Variants in ZNF609 observed in about 807,000 individuals in gnomAD.
The protein encoded by ZNF609 is zinc finger protein 609.
A neutral mutation model predicts 109.5 loss-of-function variants in ZNF609; 11 were observed. The observed-to-expected ratio is 0.10, with a 90% CI of 0.06 to 0.17. ZNF609 has a LOEUF of 0.17. ZNF609 is among the 10% of genes least tolerant of loss of function. The pLI is 1.00. For synonymous variants in ZNF609, 646 were observed against 662.0 expected, an observed-to-expected ratio of 0.98 and a Z score of 0.37; for missense variants, 1,559 against 1,772.4, an observed-to-expected ratio of 0.88 and a Z score of 2.16.
intron 2 of ZNF609, among the ~76,000 whole-genome samples, chr15:64,563,881 C>T (rs960733395): frequency 3.3e-5 from 5 of 152,062 alleles, no homozygotes; most frequent in African/African-American, 4.8e-5. Context: ...TCGCCGTGCC[C>T]GGCCTATTTA....
At chr15:64,661,928 A>C (rs1896583079) in intron 3 of ZNF609, among the ~76,000 whole-genome samples, 1 of 152,138 alleles carries the variant, frequency 6.6e-6, no homozygotes, top group Non-Finnish European at 1.5e-5. Flanking sequence ...TTAACCTAAA[A>C]CATAGTTGTC....
chr15:64,679,175 C>T (rs1390521840), intron 6 of ZNF609, among the ~76,000 whole-genome samples: 2 of 152,142 alleles, frequency 1.3e-5, no homozygotes, highest in East Asian at 1.9e-4. Context: ...TGGGTTCAAA[C>T]GATTCTCCTG....
chr15:64,500,584 A>G (rs1893547712), intron 2 of ZNF609: 3 of 601,210 alleles, frequency 5.0e-6, no homozygotes, highest in East Asian at 2.7e-5. Context: ...GTGATAATGT[A>G]GATTGAGTAC....
In ZNF609 at chr15:64,678,403, C is replaced by T. The variant is rs748175986; in HGVS notation, c.3690C>T (p.Gly1230=). 4.3e-6 allele frequency: 7 copies of T among 1,613,650 alleles called. No individual in the cohort carries two copies. Among genetic ancestry groups the T allele is most frequent in the Non-Finnish European group, 5.9e-6 (7 of 1,179,732 alleles). Reference sequence around the variant, plus strand: ...AGTCCTACATCCCCTACATGCACGGCTATTCCTACAGTCAGTCCTACGACC... The same window carrying T: ...AGTCCTACATCCCCTACATGCACGGTTATTCCTACAGTCAGTCCTACGACC... The part of the protein sequence containing the change: ...QHQSYIPYMH[G]YSYSQSYDPN... The change falls in exon 6 of 10, where the codon GGC becomes GGT. Residue 1230 remains glycine, a synonymous_variant. Coordinates refer to ENST00000326648, the MANE Select transcript of ZNF609 (RefSeq NM_015042.2).
At chr15:64,680,903 T>C (rs376980397) in intron 8 of ZNF609, 41 bp downstream of exon 8, 4 of 1,598,296 alleles carry the variant, frequency 2.5e-6, no homozygotes, top group South Asian at 1.1e-5. Context: ...TTGTCTTGTT[T>C]TGTTTTGTTT....
At chr15:64,518,238 C>A (rs1893842614) in intron 2 of ZNF609, among the ~76,000 whole-genome samples, 1 of 152,168 alleles carries the variant, frequency 6.6e-6, no homozygotes, top group African/African-American at 2.4e-5. Context: ...TGATGGAGAT[C>A]TCTAACCTCT....
chr15:64,462,022 C>A (rs1425006975), intron 1 of ZNF609, among the ~76,000 whole-genome samples: 7 of 152,170 alleles, frequency 4.6e-5, no homozygotes, highest in Admixed American at 4.6e-4. Flanking sequence ...CAGAGATAAA[C>A]CGGTCCCTCT....
chr15:64,463,266 C>T (rs1350879382), intron 1 of ZNF609, among the ~76,000 whole-genome samples: 2 of 152,056 alleles, frequency 1.3e-5, no homozygotes, highest in African/African-American at 4.8e-5. Flanking sequence ...GGTGTAGTGG[C>T]ATACGCCTGT....
chr15:64,464,560 T>C (rs1230606320), intron 1 of ZNF609, among the ~76,000 whole-genome samples: 1 of 152,126 alleles, frequency 6.6e-6, no homozygotes, highest in East Asian at 1.9e-4. Context: ...AATTCTCTCT[T>C]CTACTTGATT....
chr15:64,675,248 C>A lies in ZNF609; in HGVS notation c.2394C>A (p.Phe798Leu). Residue 798 changes from phenylalanine (F) to leucine (L), a missense_variant, in exon 5 of 10, where the codon TTC (phenylalanine) becomes TTA (leucine). Phe to Leu is a conservative substitution (Grantham distance 22). Around this residue, in one of 4 missense-constraint regions of ZNF609, gnomAD observed 1,204 missense variants for 1,314.1 expected, o/e 0.92. Transcript: ENST00000326648. ...CTGAAGCCGACAAGATCTACAGTTTCACGGACAATGCCCCCAGCCCTTCCA... is the reference window on the plus strand; with the variant it reads ...CTGAAGCCGACAAGATCTACAGTTTAACGGACAATGCCCCCAGCCCTTCCA... ...IKAEADKIYS[F>L]TDNAPSPSIG... is the part of the protein sequence containing the mutation. 1 of 1,614,052 alleles carries A rather than the reference C, an allele frequency of 6.2e-7. No individual in the cohort carries two copies. The highest frequency in any genetic ancestry group is 8.5e-7 in the Non-Finnish European group (1 of 1,180,038).
intron 2 of ZNF609, among the ~76,000 whole-genome samples, chr15:64,513,162 C>G (rs148846071): frequency 5.9e-5 from 9 of 152,030 alleles, no homozygotes; most frequent in African/African-American, 2.2e-4. Context: ...TTTGGAGTAT[C>G]TCAAATTCAT....
At chr15:64,601,415 G>A (rs554755220) in intron 2 of ZNF609, among the ~76,000 whole-genome samples, 1 of 152,156 alleles carries the variant, frequency 6.6e-6, no homozygotes, top group African/African-American at 2.4e-5. Context: ...CTTGAGGAAG[G>A]TAATAGAGCT....
At chr15:64,512,472 A>G (rs938301224) in intron 2 of ZNF609, among the ~76,000 whole-genome samples, 1 of 152,172 alleles carries the variant, frequency 6.6e-6, no homozygotes, top group African/African-American at 2.4e-5. Flanking sequence ...ATTGGATAAT[A>G]GGTGTTCCTA....
At chr15:64,489,096 G>A (rs1430795999) in intron 1 of ZNF609, among the ~76,000 whole-genome samples, 2 of 151,582 alleles carry the variant, frequency 1.3e-5, no homozygotes, top group Non-Finnish European at 1.5e-5. Context: ...GTGGCAGAGT[G>A]AGACCCTGTC....
At chr15:64,578,420 C>T (rs1895038067) in intron 2 of ZNF609, among the ~76,000 whole-genome samples, 1 of 152,066 alleles carries the variant, frequency 6.6e-6, no homozygotes, top group Non-Finnish European at 1.5e-5. Context: ...ATGAGCCGGG[C>T]ACAGTTGCTC....
At chr15:64,461,616 C>T (rs1892942129) in intron 1 of ZNF609, among the ~76,000 whole-genome samples, 1 of 152,164 alleles carries the variant, frequency 6.6e-6, no homozygotes, top group African/African-American at 2.4e-5. Flanking sequence ...CAGCAGCAAA[C>T]AGTCATTTCA....
At chr15:64,651,910 CTCTCACTA>C (rs1371735413) in intron 3 of ZNF609, among the ~76,000 whole-genome samples, 3 of 152,118 alleles carry the variant, frequency 2.0e-5, no homozygotes, top group Non-Finnish European at 4.4e-5. Flanking sequence ...TGTATTACCT[CTCTCACTA>C]TCTCATTAAC....
chr15:64,622,848 C>G lies in ZNF609; in HGVS notation c.769C>G (p.Pro257Ala). The G allele has an allele frequency of 6.2e-7, 1 of 1,614,256 alleles. No homozygotes were observed. The highest frequency in any genetic ancestry group is 1.6e-4 in the Middle Eastern group (1 of 6,062). Residue 257 changes from proline to alanine, a missense_variant, in exon 3 of 10, where the codon CCA (proline) becomes GCA (alanine). Pro to Ala is a conservative substitution (Grantham distance 27, BLOSUM62 -1). Around this residue, in one of 4 missense-constraint regions of ZNF609, gnomAD observed 291 missense variants for 317.8 expected, o/e 0.92. Coordinates refer to ENST00000326648, the MANE Select transcript of ZNF609 (RefSeq NM_015042.2). ...ACAGATGGAGTCCCCTGTTTCCACACCAGCAGTGCTGCCAATACACCTTTT... is the reference window on the plus strand; with the variant it reads ...ACAGATGGAGTCCCCTGTTTCCACAGCAGCAGTGCTGCCAATACACCTTTT... Reference protein sequence around the residue: ...SEKMESPVSTPAVLPIHLLVP... With the variant: ...SEKMESPVSTAAVLPIHLLVP...
intron 2 of ZNF609, among the ~76,000 whole-genome samples, chr15:64,615,596 C>T (rs1895787145): frequency 1.3e-5 from 2 of 149,898 alleles, no homozygotes. Context: ...AAGCGATTCT[C>T]CTGCCTCAGC....
Sources: allele counts gnomAD v4.1 joint callset (sites outside exome capture counted in the v4.1 genomes callset), GRCh38; gene constraint gnomAD v4.1.1; regional missense constraint gnomAD v4.1.1; transcripts MANE v1.5; gene names NCBI Gene and HGNC (gene_info 2026-07-23, HGNC 2026-07-21).